PTPRZ1: variants seen among roughly 807,000 people sequenced by gnomAD.
PTPRZ1 encodes the protein receptor-type tyrosine-protein phosphatase zeta.
A neutral mutation model predicts 214.1 loss-of-function variants in PTPRZ1; 82 were observed. The ratio of observed to expected loss-of-function variants is 0.38; its 90% confidence interval spans 0.32 to 0.46. The LOEUF (loss-of-function observed/expected upper bound fraction) is 0.46. Among genes scored for constraint, PTPRZ1 ranks in the 20% least tolerant of loss-of-function variants. The probability of loss-of-function intolerance (pLI) is 1.00; values close to 1 mark genes in which losing one functional copy is unlikely to be tolerated. For synonymous variants in PTPRZ1, 945 were observed against 987.9 expected, an observed-to-expected ratio of 0.96 and a Z score of 0.81; for missense variants, 2,603 against 2,748.7, an observed-to-expected ratio of 0.95 and a Z score of 1.19.
At chr7:121,973,940 G>GAAAAA (rs371692415) in intron 4 of PTPRZ1, among the ~76,000 whole-genome samples, 46 of 86,222 alleles carry the variant, frequency 5.3e-4, no homozygotes, top group Admixed American at 8.3e-4. Context: ...TCTCAAAAAA[G>GAAAAA]AAAAAAAAAA....
intron 10 of PTPRZ1, among the ~76,000 whole-genome samples, chr7:122,003,255 G>A (rs958098748): frequency 2.6e-5 from 4 of 152,042 alleles, no homozygotes; most frequent in Non-Finnish European, 5.9e-5. Context: ...TAGTTTTAAC[G>A]AGAAAAAAAG....
In PTPRZ1 at chr7:122,044,560, C is replaced by A. The variant is rs1162973538; in HGVS notation, c.6076C>A (p.Gln2026Lys). The change falls in exon 23 of 30, where the codon CAA (glutamine) becomes AAA (lysine). Residue 2026 changes from glutamine to lysine, a missense_variant. Transcript: ENST00000393386. ...GPAGKTKLEK[Q>K]FQLLSQSNIQ... ...AGCAGGCAAAACAAAGCTAGAGAAA[C>A]AATTCCAGGTGAGTCCTCTTGGAAG... 1 of 1,613,416 alleles carries A rather than the reference C, an allele frequency of 6.2e-7. No individual in the cohort carries two copies. Among genetic ancestry groups the A allele is most frequent in the Non-Finnish European group, 8.5e-7 (1 of 1,179,680 alleles).
intron 2 of PTPRZ1, among the ~76,000 whole-genome samples, chr7:121,940,022 A>C (rs1231850189): frequency 6.6e-6 from 1 of 152,166 alleles, no homozygotes; most frequent in Non-Finnish European, 1.5e-5. Flanking sequence ...TGAAGGAGAA[A>C]TCACTGTGCT....
intron 6 of PTPRZ1, among the ~76,000 whole-genome samples, chr7:121,983,434 C>G (rs1365648726): frequency 6.6e-6 from 1 of 152,140 alleles, no homozygotes; most frequent in Non-Finnish European, 1.5e-5. Context: ...GTAAAATATT[C>G]TGTTCACCAT....
At chr7:122,022,427 G>A (rs1419897182) in intron 13 of PTPRZ1, among the ~76,000 whole-genome samples, 1 of 152,176 alleles carries the variant, frequency 6.6e-6, no homozygotes, top group East Asian at 1.9e-4. Context: ...TTAAGGAGCA[G>A]AGAGTTTAAT....
intron 1 of PTPRZ1, among the ~76,000 whole-genome samples, chr7:121,879,267 G>T (rs572228568): frequency 1.4e-4 from 22 of 152,272 alleles, no homozygotes; most frequent in African/African-American, 4.6e-4. Flanking sequence ...ACATCCCAGG[G>T]GGCCAGAACA....
intron 1 of PTPRZ1, among the ~76,000 whole-genome samples, chr7:121,894,529 C>T (rs1794729391): frequency 6.6e-6 from 1 of 152,140 alleles, no homozygotes; most frequent in South Asian, 2.1e-4. Flanking sequence ...CCTCAGCCTC[C>T]TGTTTAGCTG....
rs774586988 is a variant in PTPRZ1 at position 122,013,205 on chromosome 7, G to A, written c.4159G>A (p.Val1387Ile). ...TGTTTCTCCCCACAGAGATGGTTCT[G>A]TAACCTCAACAAAGTTGCTGTTTCC... is the stretch of plus-strand genomic sequence containing the variant. ...TAVSPHRDGSVTSTKLLFPSK... is the reference protein window; with the variant it reads ...TAVSPHRDGSITSTKLLFPSK... Residue 1387 changes from valine (V) to isoleucine (I), a missense_variant, in exon 12 of 30, where the codon GTA (valine) becomes ATA (isoleucine). By Grantham distance (29) the Val-to-Ile change is conservative. Coordinates refer to ENST00000393386, the MANE Select transcript of PTPRZ1 (RefSeq NM_002851.3). 6.2e-7 allele frequency: 1 copy of A among 1,614,182 alleles called. No individual in the cohort carries two copies. Among genetic ancestry groups the A allele is most frequent in the Admixed American group, 1.7e-5 (1 of 60,022 alleles).
intron 13 of PTPRZ1, 111 bp from the exon 14 acceptor site, chr7:122,028,441 A>G (rs1411357837): frequency 2.7e-6 from 2 of 730,966 alleles, no homozygotes; most frequent in African/African-American, 3.6e-5. Context: ...CTGGGTATAT[A>G]CCTGCTTTTG....
rs1584646298 is a variant in PTPRZ1, at chr7:121,926,740, T to C, written c.59-1416T>C. 2.0e-5 allele frequency among the ~76,000 whole-genome samples: 3 copies of C among 152,322 alleles called. No individual in the cohort carries two copies. The East Asian group carries it at 5.8e-4, about 29-fold the overall frequency. On this transcript the variant is annotated intron_variant, in intron 1 of 29. Coordinates refer to ENST00000393386, the MANE Select transcript of PTPRZ1 (RefSeq NM_002851.3). ...TTGTTTGCAGGAATGATTACAAAAC[T>C]TCGTAAATATTCTAAAAGCCATTGA...
At chr7:122,049,911 C>T (rs1036524974) in intron 23 of PTPRZ1, among the ~76,000 whole-genome samples, 4 of 151,998 alleles carry the variant, frequency 2.6e-5, no homozygotes, top group Non-Finnish European at 4.4e-5. Context: ...TATTGGAAAA[C>T]GGAGGAATCT....
At chr7:122,004,809 A>T (rs889137723) in intron 11 of PTPRZ1, 149 bp downstream of exon 11, 2 of 499,720 alleles carry the variant, frequency 4.0e-6, no homozygotes, top group Admixed American at 4.2e-5. Flanking sequence ...ATATATAGAT[A>T]GTCACATAAT....
At chr7:121,945,587 A>G (rs1245808731) in intron 2 of PTPRZ1, among the ~76,000 whole-genome samples, 1 of 152,152 alleles carries the variant, frequency 6.6e-6, no homozygotes, top group Non-Finnish European at 1.5e-5. Context: ...AGTAGCTCCA[A>G]TCAAGCCATG....
At chr7:121,874,290 CT>C (rs1231507545) in intron 1 of PTPRZ1, among the ~76,000 whole-genome samples, 1 of 152,182 alleles carries the variant, frequency 6.6e-6, no homozygotes, top group Admixed American at 6.5e-5. Flanking sequence ...ACATTTAAAA[CT>C]GAAATTGCAT....
intron 2 of PTPRZ1, among the ~76,000 whole-genome samples, chr7:121,936,248 A>G (rs762762977): frequency 6.6e-6 from 1 of 152,184 alleles, no homozygotes; most frequent in African/African-American, 2.4e-5. Flanking sequence ...TATTCAGACA[A>G]ATTTTTATTA....
At chr7:121,996,602 A>G (rs1420688241) in intron 9 of PTPRZ1, 36 bp downstream of exon 9, 4 of 1,434,760 alleles carry the variant, frequency 2.8e-6, no homozygotes, top group Admixed American at 2.2e-5. Context: ...ATAGGGTAAC[A>G]TTATAATTTA....
chr7:121,934,431 T>G (rs1355964250), intron 2 of PTPRZ1, among the ~76,000 whole-genome samples: 1 of 130,460 alleles, frequency 7.7e-6, no homozygotes, highest in Admixed American at 1.0e-4. Context: ...GAGCTTGCAG[T>G]GAGCCGAGAT....
Position 122,028,407 on chromosome 7 carries a change from G to C in PTPRZ1, c.4989-145G>C, listed in dbSNP as rs1584757692. ...TAACATCTTGTGACTTGTTAAAATG[G>C]ATGTAGATCCAGCAATCCCTCTTCT... is the stretch of plus-strand genomic sequence containing the variant. On this transcript the variant is annotated intron_variant, in intron 13 of 29. Transcript: ENST00000393386. 2.1e-5 allele frequency: 11 copies of C among 534,176 alleles called. No individual in the cohort carries two copies. In the South Asian group the frequency reaches 3.1e-4, roughly 15 times the overall value. The allele number at this position is 534,176 out of a possible 1,614,324, so 33.1% of individuals were successfully genotyped here.
intron 4 of PTPRZ1, among the ~76,000 whole-genome samples, chr7:121,974,243 T>C (rs1414213534): frequency 6.6e-6 from 1 of 152,150 alleles, no homozygotes; most frequent in African/African-American, 2.4e-5. Context: ...GAAAAGCACA[T>C]TTATCAAATT....
Sources: gnomAD v4.1 joint callset for allele counts (sites outside exome capture counted in the v4.1 genomes callset) on GRCh38, gnomAD v4.1.1 for gene constraint, MANE v1.5 for transcripts, NCBI Gene and HGNC (gene_info 2026-07-23, HGNC 2026-07-21) for gene names.